The following TENM2 variants were observed in gnomAD, a reference collection of about 807,000 sequenced individuals.
TENM2 encodes teneurin transmembrane protein 2, also known as teneurin-2.
In TENM2, 52 loss-of-function variants were observed where a neutral mutation model predicts 245.2. That is an observed-to-expected ratio of 0.21 (90% CI 0.17 to 0.27). The LOEUF is 0.27. Among genes scored for constraint, TENM2 ranks in the 10% least tolerant of loss-of-function variants. The pLI is 1.00. For synonymous variants in TENM2, 1,363 were observed against 1,438.9 expected (o/e 0.95, Z 1.19); for missense variants, 3,046 against 3,666.8 (o/e 0.83, Z 4.37).
rs117409330 is a variant in TENM2 at position 167,517,543 on chromosome 5, T to C, written c.502+142070T>C. Among the ~76,000 whole-genome samples the C allele has an allele frequency of 3.2e-3, 490 of 152,246 alleles. 25 individuals are homozygous for C. The South Asian group carries it at 0.08, about 25-fold the overall frequency. ...TAGTTTTCAGCGCTAATAGAGGACA[T>C]ACTGCAAGTTGATTATTGTAATCCA... On this transcript the variant is annotated intron_variant, in intron 2 of 28. Transcript: ENST00000518659.
chr5:167,228,921 C>T, the TENM2 span, among the ~76,000 whole-genome samples: 1 of 152,006 alleles, frequency 6.6e-6, no homozygotes, highest in South Asian at 2.1e-4. Flanking sequence ...AGGATGGTCT[C>T]GATCTCCTGA....
intron 3 of TENM2, among the ~76,000 whole-genome samples, chr5:167,929,062 AAAGAAAGAAAGAAAGAAAG>A (rs1778017703): frequency 6.2e-4 from 2 of 3,216 alleles, no homozygotes; most frequent in Non-Finnish European, 1.2e-3. Flanking sequence ...AGAAAGAGAG[AAAGAAAGAAAGAAAGAAAG>A]AAAGAAAGAA....
At chr5:168,149,306 T>C (rs1407438684) in intron 12 of TENM2, 3 of 454,592 alleles carry the variant, frequency 6.6e-6, no homozygotes, top group Non-Finnish European at 1.3e-5. Context: ...CCACATGTTA[T>C]TTTTAGTATG....
At position 168,016,851 on chromosome 5, in the gene TENM2, C is replaced by T. The variant is rs10462971; in HGVS notation, c.1186+23669C>T. Among the ~76,000 whole-genome samples, 786 of 152,326 alleles carry T rather than the reference C, an allele frequency of 5.2e-3. 27 individuals carry two copies. In the East Asian group the frequency reaches 0.1, roughly 20 times the overall value. On this transcript the variant is annotated intron_variant, in intron 5 of 28. Transcript: ENST00000518659. Reference sequence around the variant, plus strand: ...ATAAAATGGTAATAATAAATGCACCCATCTCCAAGAGTCATTGCAAAGATT... The same window carrying T: ...ATAAAATGGTAATAATAAATGCACCTATCTCCAAGAGTCATTGCAAAGATT...
At position 167,579,152 on chromosome 5, in the gene TENM2, A is replaced by G. The variant is rs115964117; in HGVS notation, c.502+203679A>G. On this transcript the variant is annotated intron_variant, in intron 2 of 28. Coordinates refer to ENST00000518659, the Ensembl canonical transcript of TENM2. The stretch of plus-strand genomic sequence containing the variant: ...GTGCTGCCCATGACATTCACACTTG[A>G]CATTATCAAACACAAAAGGCATCAC... Among the ~76,000 whole-genome samples, 362 of 152,296 alleles carry G rather than the reference A, an allele frequency of 2.4e-3. 2 individuals carry two copies. The highest frequency in any genetic ancestry group is 8.2e-3 in the African/African-American group (341 of 41,560).
chr5:167,165,022 T>C, the TENM2 span: 1 of 152,226 alleles, frequency 6.6e-6, no homozygotes, highest in Non-Finnish European at 1.5e-5. Context: ...GAATCAGCAA[T>C]ATGCAATAAC....
intron 2 of TENM2, among the ~76,000 whole-genome samples, chr5:167,664,073 T>G (rs1295708446): frequency 1.3e-5 from 2 of 152,220 alleles, no homozygotes. Context: ...AGTTATGTTA[T>G]CTGGAATTGA....
intron 9 of TENM2, among the ~76,000 whole-genome samples, chr5:168,108,686 C>T (rs1794441922): frequency 6.6e-6 from 1 of 152,116 alleles, no homozygotes; most frequent in Non-Finnish European, 1.5e-5. Context: ...CCCTGATAGC[C>T]ATCCAAAAGA....
intron 1 of TENM2, among the ~76,000 whole-genome samples, chr5:167,332,895 C>T (rs1400624147): frequency 1.3e-5 from 2 of 152,004 alleles, no homozygotes; most frequent in East Asian, 3.9e-4. Flanking sequence ...AAGATACTGG[C>T]TATAGAGGTT....
the TENM2 span, among the ~76,000 whole-genome samples, chr5:167,070,253 G>A: frequency 6.7e-6 from 1 of 148,388 alleles, no homozygotes; most frequent in African/African-American, 2.5e-5. Context: ...GAGTAGCTGG[G>A]ACTACAAGCA....
chr5:167,990,963 T>C (rs1783621410), intron 4 of TENM2, among the ~76,000 whole-genome samples: 1 of 152,200 alleles, frequency 6.6e-6, no homozygotes, highest in Non-Finnish European at 1.5e-5. Context: ...TAGGTCTGAT[T>C]AGAGCTTCCA....
chr5:167,869,648 C>T (rs1239659838), intron 2 of TENM2, among the ~76,000 whole-genome samples: 1 of 152,220 alleles, frequency 6.6e-6, no homozygotes. Context: ...CACCTCGCAG[C>T]TTCTGCACTA....
intron 2 of TENM2, among the ~76,000 whole-genome samples, chr5:167,804,343 T>C (rs1283710436): frequency 6.6e-6 from 1 of 152,118 alleles, no homozygotes; most frequent in Non-Finnish European, 1.5e-5. Flanking sequence ...TTGCAAGAGC[T>C]GATCCTCTTT....
At chr5:167,357,235 G>C (rs1759395760) in intron 1 of TENM2, among the ~76,000 whole-genome samples, 2 of 151,700 alleles carry the variant, frequency 1.3e-5, no homozygotes. Context: ...GAATAACATG[G>C]TCCACATGGA....
chr5:168,148,265 G>T (rs1434691457), intron 12 of TENM2, among the ~76,000 whole-genome samples: 2 of 152,162 alleles, frequency 1.3e-5, no homozygotes, highest in African/African-American at 4.8e-5. Flanking sequence ...TAAATGAGAG[G>T]ATTTCCAAGG....
At chr5:167,270,498 C>T in the TENM2 span, among the ~76,000 whole-genome samples, 3 of 152,070 alleles carry the variant, frequency 2.0e-5, no homozygotes, top group African/African-American at 7.2e-5. Flanking sequence ...GGCCTATTTC[C>T]CTCAATTCTT....
chr5:168,245,966 C>T (rs1053255976), intron 26 of TENM2, among the ~76,000 whole-genome samples: 1 of 151,774 alleles, frequency 6.6e-6, no homozygotes, highest in East Asian at 1.9e-4. Context: ...GGCGCAATGG[C>T]TCACACCTGT....
chr5:167,143,758 C>A, the TENM2 span, among the ~76,000 whole-genome samples: 1 of 152,172 alleles, frequency 6.6e-6, no homozygotes, highest in Non-Finnish European at 1.5e-5. Context: ...TAAGCCGATT[C>A]TTACAAAGCC....
At chr5:167,951,838 G>T (rs765129669) in intron 3 of TENM2, among the ~76,000 whole-genome samples, 1 of 150,914 alleles carries the variant, frequency 6.6e-6, no homozygotes, top group Non-Finnish European at 1.5e-5. Flanking sequence ...ACATACATAC[G>T]CAAATATGTG....
Sources: allele counts gnomAD v4.1 joint callset (sites outside exome capture counted in the v4.1 genomes callset), GRCh38; gene constraint gnomAD v4.1.1; transcripts MANE v1.5; gene names NCBI Gene and HGNC (gene_info 2026-07-23, HGNC 2026-07-21).